The following UNC5B variants were observed in gnomAD, a reference collection of about 807,000 sequenced individuals.
UNC5B encodes unc-5 netrin receptor B, also known as netrin receptor UNC5B.
In UNC5B, 56 loss-of-function variants were observed where a neutral mutation model predicts 103.7. The observed-to-expected ratio is 0.54, with a 90% CI of 0.44 to 0.67. UNC5B has a LOEUF of 0.67. Ranked by LOEUF, UNC5B falls within the 30% of genes least tolerant of loss-of-function variation. The pLI is 0.00. For missense variants in UNC5B, 1,194 were observed against 1,284.5 expected (o/e 0.93, Z 1.08); for synonymous variants, 577 against 542.0 (o/e 1.06, Z -0.90).
chr10:71,215,012 G>A (rs1437991538), intron 1 of UNC5B, among the ~76,000 whole-genome samples: 1 of 152,210 alleles, frequency 6.6e-6, no homozygotes, highest in Non-Finnish European at 1.5e-5. Context: ...GCCAACTGGT[G>A]GGGTCGGCCT....
At chr10:71,254,818 A>G (rs538186706) in intron 1 of UNC5B, among the ~76,000 whole-genome samples, 1 of 152,326 alleles carries the variant, frequency 6.6e-6, no homozygotes, top group Admixed American at 6.5e-5. Flanking sequence ...CCTTAGAAAC[A>G]ACACCAGGCA....
Position 71,240,415 on chromosome 10 carries a change from C to T in UNC5B, c.79+27351C>T, listed in dbSNP as rs74802939. ...ACCCCAGTAACCCCAGGAAGGAAGG[C>T]AGGCTCTCAGGGTGGACTAGCCATA... On this transcript the variant is annotated intron_variant, in intron 1 of 16. Transcript: ENST00000335350. Among the ~76,000 whole-genome samples the T allele has an allele frequency of 5.2e-3, 795 of 152,372 alleles. 7 individuals are homozygous for T. Among genetic ancestry groups the T allele is most frequent in the African/African-American group, 0.018 (763 of 41,586 alleles).
chr10:71,261,753 C>G (rs1844420390), intron 1 of UNC5B, among the ~76,000 whole-genome samples: 1 of 152,212 alleles, frequency 6.6e-6, no homozygotes, highest in South Asian at 2.1e-4. Context: ...CTGCCTCTTA[C>G]TGGCTGTGTG....
rs529964875 is a variant in UNC5B at position 71,290,910 on chromosome 10, C to T, written c.1100-5C>T. On this transcript the variant is annotated splice_region_variant and splice_polypyrimidine_tract_variant and intron_variant, in intron 8 of 16. Coordinates refer to ENST00000335350, the MANE Select transcript of UNC5B (RefSeq NM_170744.5). Reference sequence around the variant, plus strand: ...GCCCCTTATGTGGTCCTCCTGTCCCCGCAGTGCTGGAGGCCTCAGGGGATG... The same window carrying T: ...GCCCCTTATGTGGTCCTCCTGTCCCTGCAGTGCTGGAGGCCTCAGGGGATG... 36 of 1,609,288 alleles carry T rather than the reference C, an allele frequency of 2.2e-5. No homozygotes were observed. The African/African-American group carries it at 2.3e-4, about 10-fold the overall frequency.
chr10:71,213,092 G>A lies in UNC5B; in HGVS notation c.79+28G>A. On this transcript the variant is annotated intron_variant, in intron 1 of 16. Coordinates refer to ENST00000335350, the MANE Select transcript of UNC5B (RefSeq NM_170744.5). The surrounding 1 kb of genome is among the most constrained non-coding windows in gnomAD (Gnocchi z 4.1). ...AGGAAGCGATCGGGTCTGGGGGCGC[G>A]GGGCTAGGGGACCCTTGCGCCTCAC... is the stretch of plus-strand genomic sequence containing the variant. 1 of 1,279,650 alleles carries A rather than the reference G, an allele frequency of 7.8e-7. No individual in the cohort carries two copies. Among genetic ancestry groups the A allele is most frequent in the South Asian group, 2.9e-5 (1 of 34,516 alleles). The allele number at this position is 1,279,650 out of a possible 1,614,324, so 79.3% of individuals were successfully genotyped here.
At chr10:71,266,501 A>C (rs1250622530) in intron 1 of UNC5B, among the ~76,000 whole-genome samples, 1 of 152,136 alleles carries the variant, frequency 6.6e-6, no homozygotes, top group Non-Finnish European at 1.5e-5. Context: ...AGGTGCAAAC[A>C]AGCAGGCGGG....
rs779452950 is a variant in UNC5B at position 71,279,780 on chromosome 10, C to T, written c.80-41C>T. The T allele has an allele frequency of 4.4e-6, 7 of 1,587,520 alleles. No individual in the cohort carries two copies. The Admixed American group carries it at 7.1e-5, about 16-fold the overall frequency. ...TGGGCGAGGGGTGCCACAGGGCCCT[C>T]CCAGCACACAGCCTCATGGAGGTCT... is the stretch of plus-strand genomic sequence containing the variant. On this transcript the variant is annotated intron_variant, in intron 1 of 16. Coordinates refer to ENST00000335350, the MANE Select transcript of UNC5B (RefSeq NM_170744.5).
intron 1 of UNC5B, among the ~76,000 whole-genome samples, chr10:71,223,243 A>C (rs1371748799): frequency 6.6e-6 from 1 of 152,168 alleles, no homozygotes; most frequent in Non-Finnish European, 1.5e-5. Flanking sequence ...GATTCCTGGC[A>C]CCCAGAAGGT....
chr10:71,296,591 A>G lies in UNC5B; in HGVS notation c.2339A>G (p.Tyr780Cys), dbSNP rs771341698. 8 of 1,613,442 alleles carry G rather than the reference A, an allele frequency of 5.0e-6. No individual in the cohort carries two copies. Among genetic ancestry groups the G allele is most frequent in the African/African-American group, 2.7e-5 (2 of 74,864 alleles). Residue 780 changes from tyrosine to cysteine, a missense_variant, in exon 15 of 17, where the codon TAT becomes TGT. Tyr to Cys is a radical substitution (Grantham distance 194). Transcript: ENST00000335350. ...LLAKYQEIPF[Y>C]HIWSGSQKAL... ...CTCCTCCTGCAGGAGATCCCCTTCT[A>G]TCACATTTGGAGTGGCAGCCAGAAG...
intron 3 of UNC5B, among the ~76,000 whole-genome samples, chr10:71,285,102 C>A (rs1001880646): frequency 6.6e-6 from 1 of 152,204 alleles, no homozygotes; most frequent in East Asian, 1.9e-4. Context: ...CCATCCTGAG[C>A]CACTATATGC....
chr10:71,286,147 A>AT (rs1220781585), intron 4 of UNC5B, among the ~76,000 whole-genome samples: 1 of 152,172 alleles, frequency 6.6e-6, no homozygotes, highest in African/African-American at 2.4e-5. Flanking sequence ...TTACCATTCC[A>AT]TCCCACAGCA....
chr10:71,284,363 A>C (rs1302285389), intron 2 of UNC5B, among the ~76,000 whole-genome samples: 1 of 152,182 alleles, frequency 6.6e-6, no homozygotes, highest in African/African-American at 2.4e-5. Context: ...TGGTGGATGC[A>C]CAGTGCAGCT....
At chr10:71,297,054 C>CTGG (rs1845459389) in intron 15 of UNC5B, among the ~76,000 whole-genome samples, 1 of 121,402 alleles carries the variant, frequency 8.2e-6, no homozygotes, top group African/African-American at 3.3e-5. Context: ...AGGGAAGGGC[C>CTGG]GCCAGATATT....
rs377252411 is a variant in UNC5B at position 71,264,298 on chromosome 10, G to A, written c.80-15523G>A. Among the ~76,000 whole-genome samples, 18 of 152,332 alleles carry A rather than the reference G, an allele frequency of 1.2e-4. No homozygotes were observed. The East Asian group carries it at 2.1e-3, about 18-fold the overall frequency. Reference sequence around the variant, plus strand: ...TGGTAATAATAAAAACAAGAATGCCGCTTTTGTTCATTAAGTCTTTTTAAC... The same window carrying A: ...TGGTAATAATAAAAACAAGAATGCCACTTTTGTTCATTAAGTCTTTTTAAC... On this transcript the variant is annotated intron_variant, in intron 1 of 16. Transcript: ENST00000335350.
At chr10:71,246,859 G>T (rs185242085) in intron 1 of UNC5B, among the ~76,000 whole-genome samples, 110 of 152,312 alleles carry the variant, frequency 7.2e-4, no homozygotes, top group African/African-American at 2.6e-3. Flanking sequence ...TCCCTCTGGG[G>T]CGACCACTTC....
chr10:71,240,764 G>T (rs1163417233), intron 1 of UNC5B, among the ~76,000 whole-genome samples: 1 of 152,228 alleles, frequency 6.6e-6, no homozygotes, highest in Non-Finnish European at 1.5e-5. Context: ...TGATATTTCT[G>T]GCTGTCCATC....
intron 1 of UNC5B, among the ~76,000 whole-genome samples, chr10:71,246,592 A>G (rs1844043751): frequency 6.6e-6 from 1 of 151,652 alleles, no homozygotes; most frequent in Non-Finnish European, 1.5e-5. Context: ...AAGGGAGGGA[A>G]GTGAGGGAGG....
rs754730387 is a variant in UNC5B at position 71,299,210 on chromosome 10, C to T, written c.2771C>T (p.Ala924Val). 27 of 1,614,124 alleles carry T rather than the reference C, an allele frequency of 1.7e-5. No homozygotes were observed. Among genetic ancestry groups the T allele is most frequent in the Non-Finnish European group, 2.1e-5 (25 of 1,180,050 alleles). ...GACGATGGGGACCTCAACAGCCTGG[C>T]GAGTGCCTTGGAGGAGATGGGCAAG... ...QQDDGDLNSL[A>V]SALEEMGKSE... Residue 924 changes from alanine (A) to valine (V), a missense_variant, in exon 17 of 17, where the codon GCG becomes GTG. Transcript: ENST00000335350.
In UNC5B at chr10:71,212,953, G is replaced by A. The variant is rs907100341; in HGVS notation, c.-33G>A. ...AGACTGGGGCCAGGGAGACAGCCCT[G>A]GGGGAGAGGCGCCCGAACCAGGCCG... On this transcript the variant is annotated 5_prime_UTR_variant, in exon 1 of 17. Coordinates refer to ENST00000335350, the MANE Select transcript of UNC5B (RefSeq NM_170744.5). The A allele has an allele frequency of 2.3e-6, 3 of 1,313,990 alleles. No homozygotes were observed. Among genetic ancestry groups the A allele is most frequent in the Admixed American group, 7.3e-5 (2 of 27,546 alleles). 81.4% of individuals were successfully genotyped at this position (1,313,990 alleles called of 1,614,324 possible). A position where few individuals can be genotyped will look rare whatever the true frequency, so the allele number is the denominator to read the frequency against.
Sources: gnomAD v4.1 joint callset for allele counts (sites outside exome capture counted in the v4.1 genomes callset) on GRCh38, gnomAD v4.1.1 for gene constraint, Gnocchi (gnomAD v3.1) non-coding constraint, MANE v1.5 for transcripts, NCBI Gene and HGNC (gene_info 2026-07-23, HGNC 2026-07-21) for gene names.